The following KCNIP4 variants were observed in gnomAD, a reference collection of about 807,000 sequenced individuals.
KCNIP4 encodes Kv channel-interacting protein 4.
In KCNIP4, 12 loss-of-function variants were observed where a neutral mutation model predicts 34.0. The observed-to-expected ratio is 0.35, with a 90% CI of 0.23 to 0.57. The LOEUF is 0.57. Ranked by LOEUF, KCNIP4 falls within the 20% of genes least tolerant of loss-of-function variation. The pLI is 0.83. For synonymous variants in KCNIP4, 124 were observed against 102.2 expected, an observed-to-expected ratio of 1.21 and a Z score of -1.29; for missense variants, 238 against 311.7, an observed-to-expected ratio of 0.76 and a Z score of 1.78.
At chr4:21,639,341 T>TA (rs1281474217) in intron 1 of KCNIP4, among the ~76,000 whole-genome samples, 1 of 152,126 alleles carries the variant, frequency 6.6e-6, no homozygotes, top group African/African-American at 2.4e-5. Flanking sequence ...ATGGCAATGA[T>TA]AAAATTAAGA....
At chr4:21,341,929 T>C (rs534282633) in intron 1 of KCNIP4, among the ~76,000 whole-genome samples, 2 of 152,256 alleles carry the variant, frequency 1.3e-5, no homozygotes, top group African/African-American at 4.8e-5. Flanking sequence ...TTGTGCAGAA[T>C]GCGAGATCTG....
chr4:21,588,438 T>C (rs963703736), intron 1 of KCNIP4, among the ~76,000 whole-genome samples: 2 of 152,034 alleles, frequency 1.3e-5, no homozygotes, highest in Non-Finnish European at 1.5e-5. Flanking sequence ...AAGATTTTGA[T>C]GCTAATTAGG....
At chr4:21,941,162 A>G (rs1730181984) in intron 1 of KCNIP4, among the ~76,000 whole-genome samples, 1 of 152,244 alleles carries the variant, frequency 6.6e-6, no homozygotes, top group African/African-American at 2.4e-5. Flanking sequence ...CATATGCTAT[A>G]TATACCCAAT....
intron 3 of KCNIP4, chr4:20,850,315 T>A (rs3765118): frequency 0.12 from 46,417 of 377,136 alleles, 3,665 homozygotes; most frequent in Non-Finnish European, 0.16. Context: ...TGAATAAAAC[T>A]TTCTCAGAAA....
intron 1 of KCNIP4, among the ~76,000 whole-genome samples, chr4:21,547,882 TA>T (rs1738268066): frequency 3.2e-5 from 2 of 63,224 alleles, no homozygotes; most frequent in East Asian, 9.1e-4. Context: ...CTTTATAAAA[TA>T]TTTTAATAAT....
chr4:21,385,809 C>T (rs1721975024), intron 1 of KCNIP4, among the ~76,000 whole-genome samples: 1 of 152,130 alleles, frequency 6.6e-6, no homozygotes, highest in Non-Finnish European at 1.5e-5. Flanking sequence ...ACAGATTTAA[C>T]TGTGGAATAT....
chr4:21,403,416 C>G (rs1250075395), intron 1 of KCNIP4, among the ~76,000 whole-genome samples: 1 of 152,194 alleles, frequency 6.6e-6, no homozygotes, highest in Non-Finnish European at 1.5e-5. Context: ...AGTGGCCTTA[C>G]TGATGGTTTT....
intron 1 of KCNIP4, among the ~76,000 whole-genome samples, chr4:21,441,301 C>G (rs1374921651): frequency 6.6e-6 from 1 of 151,936 alleles, no homozygotes; most frequent in Admixed American, 6.6e-5. Flanking sequence ...ACCACCACGC[C>G]CGGCTAATTT....
chr4:20,949,967 C>T (rs1406436754), intron 1 of KCNIP4, among the ~76,000 whole-genome samples: 1 of 150,188 alleles, frequency 6.7e-6, no homozygotes, highest in Non-Finnish European at 1.5e-5. Flanking sequence ...ATGTAACTAA[C>T]CTGCACATTG....
chr4:21,081,986 C>T (rs1328089030), intron 1 of KCNIP4, among the ~76,000 whole-genome samples: 1 of 151,672 alleles, frequency 6.6e-6, no homozygotes. Context: ...GGTACTAATC[C>T]AACACTGAAA....
At chr4:21,375,858 T>C (rs1415250433) in intron 1 of KCNIP4, among the ~76,000 whole-genome samples, 2 of 152,154 alleles carry the variant, frequency 1.3e-5, no homozygotes, top group South Asian at 2.1e-4. Context: ...TGAGCCACCG[T>C]GCCTGGCCTG....
chr4:21,767,801 C>T (rs1718524001), intron 1 of KCNIP4, among the ~76,000 whole-genome samples: 1 of 152,010 alleles, frequency 6.6e-6, no homozygotes, highest in Admixed American at 6.6e-5. Flanking sequence ...TGAAAGCAAG[C>T]ATCAAATAGT....
intron 1 of KCNIP4, among the ~76,000 whole-genome samples, chr4:21,708,841 T>C (rs1388759175): frequency 6.6e-6 from 1 of 152,196 alleles, no homozygotes; most frequent in African/African-American, 2.4e-5. Context: ...GGTAAACTTT[T>C]TACAATATTT....
intron 1 of KCNIP4, among the ~76,000 whole-genome samples, chr4:21,609,968 A>T (rs1462560331): frequency 3.9e-5 from 6 of 152,224 alleles, no homozygotes; most frequent in Non-Finnish European, 5.9e-5. Context: ...CACACCAGGA[A>T]TATTCTTGTC....
chr4:21,156,328 A>G (rs1476904243), intron 1 of KCNIP4, among the ~76,000 whole-genome samples: 1 of 152,190 alleles, frequency 6.6e-6, no homozygotes, highest in Non-Finnish European at 1.5e-5. Context: ...GAATGTGAAC[A>G]GGAATGTTGT....
At chr4:21,805,350 T>C (rs1369319658) in intron 1 of KCNIP4, among the ~76,000 whole-genome samples, 1 of 152,044 alleles carries the variant, frequency 6.6e-6, no homozygotes. Flanking sequence ...TGAGAGATAG[T>C]TGAATCATGG....
At chr4:21,802,014 G>A (rs1721033141) in intron 1 of KCNIP4, among the ~76,000 whole-genome samples, 1 of 151,692 alleles carries the variant, frequency 6.6e-6, no homozygotes, top group African/African-American at 2.4e-5. Context: ...GCACAGAAGG[G>A]GCTAAGGTCC....
chr4:20,819,483 G>A (rs11944257), intron 3 of KCNIP4, among the ~76,000 whole-genome samples: 255 of 152,178 alleles, frequency 1.7e-3, no homozygotes, highest in African/African-American at 5.5e-3. Flanking sequence ...GGGGGATTTC[G>A]GAGCTATCTG....
At chr4:21,178,219 C>A (rs529397173) in intron 1 of KCNIP4, among the ~76,000 whole-genome samples, 91 of 152,260 alleles carry the variant, frequency 6.0e-4, no homozygotes, top group Non-Finnish European at 1.1e-3. Context: ...GGGCACAAGG[C>A]AGTTTCAAGG....
Sources: allele counts gnomAD v4.1 joint callset (sites outside exome capture counted in the v4.1 genomes callset), GRCh38; gene constraint gnomAD v4.1.1; transcripts MANE v1.5; gene names NCBI Gene and HGNC (gene_info 2026-07-23, HGNC 2026-07-21).